Variants in TMEM53 observed in about 807,000 individuals in gnomAD.
TMEM53 encodes transmembrane protein 53.
TMEM53 carries 14 observed loss-of-function variants against 21.4 expected under a neutral mutation model. The ratio of observed to expected loss-of-function variants is 0.65; its 90% CI spans 0.43 to 1.02. TMEM53 has a LOEUF of 1.02. Ranked by LOEUF, TMEM53 falls within the 50% of genes least tolerant of loss-of-function variation. The pLI, the probability that TMEM53 is intolerant of heterozygous loss-of-function variation, is 0.00. For synonymous variants in TMEM53, 148 were observed against 157.4 expected (o/e 0.94, Z 0.45); for missense variants, 323 against 383.6 (o/e 0.84, Z 1.32).
rs1001996735 is a variant in TMEM53 at position 44,653,959 on chromosome 1, A to T, written c.*600T>A. ...TAAATTTTAAGTATCGTACACACTT[A>T]CAATTTTGTTAGGTGATCTTGGCCA... On this transcript the variant is annotated 3_prime_UTR_variant, in exon 3 of 3. Transcript: ENST00000372237. 6.6e-6 allele frequency: 1 copy of T among 152,490 alleles called. No homozygotes were observed. The highest frequency in any genetic ancestry group is 1.5e-5 in the Non-Finnish European group (1 of 68,256). The allele number at this position is 152,490 out of a possible 1,614,324, so 9.4% of individuals were successfully genotyped here.
intron 2 of TMEM53, 26 bp downstream of exon 2, chr1:44,660,147 CA>C: frequency 1.2e-6 from 2 of 1,608,902 alleles, no homozygotes; most frequent in Non-Finnish European, 1.7e-6. Flanking sequence ...CACGGCAGCC[CA>C]GGGGAGAGGG....
intron 1 of TMEM53, among the ~76,000 whole-genome samples, chr1:44,668,159 T>C (rs1284763225): frequency 1.3e-5 from 2 of 152,076 alleles, no homozygotes; most frequent in Non-Finnish European, 2.9e-5. Context: ...ATGCAAAAAA[T>C]TGGCCAGACT....
rs561273283 is a variant in TMEM53 at position 44,662,997 on chromosome 1, G to A, written c.62-2702C>T. On this transcript the variant is annotated intron_variant, in intron 1 of 2. Transcript: ENST00000372237. ...AAGGCGAAGAAACCCTCAGAATTCT[G>A]GCACCCTGGAGAGACTGCCTACTCC... is the stretch of plus-strand genomic sequence containing the variant. Among the ~76,000 whole-genome samples, 7 of 152,274 alleles carry A rather than the reference G, an allele frequency of 4.6e-5. No homozygotes were observed. In the East Asian group the frequency reaches 1.3e-3, roughly 29 times the overall value.
At chr1:44,661,115 G>C (rs1190361929) in intron 1 of TMEM53, among the ~76,000 whole-genome samples, 2 of 152,158 alleles carry the variant, frequency 1.3e-5, no homozygotes, top group African/African-American at 4.8e-5. Context: ...TTTACACTAA[G>C]AACAGCAGAG....
chr1:44,672,765 T>C (rs1180772615), intron 1 of TMEM53, among the ~76,000 whole-genome samples: 3 of 122,614 alleles, frequency 2.4e-5, no homozygotes, highest in Non-Finnish European at 3.5e-5. Flanking sequence ...GGAGACTCCA[T>C]CTCTTAAAAA....
At chr1:44,661,367 A>G (rs1573223956) in intron 1 of TMEM53, among the ~76,000 whole-genome samples, 1 of 151,294 alleles carries the variant, frequency 6.6e-6, no homozygotes, top group Non-Finnish European at 1.5e-5. Flanking sequence ...AGTGGCTGGG[A>G]TTATAGGCAC....
rs111327384 is a variant in TMEM53 at position 44,661,882 on chromosome 1, CCTCAT to C, written c.62-1592_62-1588del. On this transcript the variant is annotated intron_variant, in intron 1 of 2. Coordinates refer to ENST00000372237, the MANE Select transcript of TMEM53 (RefSeq NM_024587.4). ...CCTCCCTGCAACCTTGTCAAACAGA[CCTCAT>C]CTCATTTCCCCTGCAAAGTGAATAC... is the stretch of plus-strand genomic sequence containing the variant. Among the ~76,000 whole-genome samples, 131 of 152,306 alleles carry C rather than the reference CCTCAT, an allele frequency of 8.6e-4. 1 individual carries two copies. Among genetic ancestry groups the C allele is most frequent in the African/African-American group, 2.8e-3 (118 of 41,564 alleles).
rs941965048 is a variant in TMEM53, at chr1:44,654,512, G to A, written c.*47C>T. ...CCGACAGATTGCAGGTTGTGGGGAGGTGTCAGGCATTTATTTCTGGAGCAG... is the reference window on the plus strand; with the variant it reads ...CCGACAGATTGCAGGTTGTGGGGAGATGTCAGGCATTTATTTCTGGAGCAG... On this transcript the variant is annotated 3_prime_UTR_variant, in exon 3 of 3. Transcript: ENST00000372237. The surrounding 1 kb of genome is among the most constrained non-coding windows in gnomAD (Gnocchi z 7.0). The A allele has an allele frequency of 3.2e-6, 5 of 1,568,650 alleles. No homozygotes were observed. Among genetic ancestry groups the A allele is most frequent in the East Asian group, 2.3e-5 (1 of 44,318 alleles).
chr1:44,662,168 A>G (rs1018615371), intron 1 of TMEM53, among the ~76,000 whole-genome samples: 1 of 152,234 alleles, frequency 6.6e-6, no homozygotes, highest in African/African-American at 2.4e-5. Context: ...GTGATTGAAA[A>G]GTTCAATGTT....
chr1:44,667,088 C>A (rs1644954926), intron 1 of TMEM53, among the ~76,000 whole-genome samples: 1 of 151,960 alleles, frequency 6.6e-6, no homozygotes, highest in African/African-American at 2.4e-5. Flanking sequence ...AGCAATCCTC[C>A]CACCTTAGCC....
chr1:44,656,007 C>A (rs1301690859), intron 2 of TMEM53, among the ~76,000 whole-genome samples: 1 of 152,192 alleles, frequency 6.6e-6, no homozygotes, highest in East Asian at 1.9e-4. Flanking sequence ...AATCTCCACA[C>A]AGGTCCCCTT....
intron 2 of TMEM53, 58 bp downstream of exon 2, chr1:44,660,116 G>A (rs1392696397): frequency 1.9e-6 from 3 of 1,574,904 alleles, no homozygotes; most frequent in Non-Finnish European, 2.6e-6. Flanking sequence ...TCCCAGTCCT[G>A]CCTCAAAGGT....
intron 2 of TMEM53, among the ~76,000 whole-genome samples, chr1:44,657,242 G>A (rs1354989054): frequency 6.6e-6 from 1 of 152,110 alleles, no homozygotes; most frequent in Non-Finnish European, 1.5e-5. Flanking sequence ...AGAGCCTTAA[G>A]AAGAAACAAA....
intron 1 of TMEM53, among the ~76,000 whole-genome samples, chr1:44,672,842 G>A (rs1348473268): frequency 6.6e-6 from 1 of 152,090 alleles, no homozygotes; most frequent in Non-Finnish European, 1.5e-5. Context: ...CCTGCACTGT[G>A]CCAGGGACAC....
In TMEM53 at chr1:44,653,500, C is replaced by G. The variant is rs116256978; in HGVS notation, c.*1059G>C. ...CTGTTACAATGCTGCTGCCTTCCTG[C>G]CCCCCACTGTCTCTGGCAACTTTCA... On this transcript the variant is annotated 3_prime_UTR_variant, in exon 3 of 3. Transcript: ENST00000372237. The G allele has an allele frequency of 1.3e-5, 2 of 152,244 alleles. No homozygotes were observed. The highest frequency in any genetic ancestry group is 4.8e-5 in the African/African-American group (2 of 41,440). The allele number at this position is 152,244 out of a possible 1,614,324, so 9.4% of individuals were successfully genotyped here.
intron 1 of TMEM53, among the ~76,000 whole-genome samples, chr1:44,671,949 A>C (rs1478280557): frequency 6.6e-6 from 1 of 152,266 alleles, no homozygotes; most frequent in Non-Finnish European, 1.5e-5. Flanking sequence ...GTTTTTAAAA[A>C]GTAATTTCAG....
chr1:44,653,697 T>C lies in TMEM53; in HGVS notation c.*862A>G, dbSNP rs1002785877. The C allele has an allele frequency of 1.3e-5, 2 of 152,286 alleles. No individual in the cohort carries two copies. Among genetic ancestry groups the C allele is most frequent in the African/African-American group, 4.8e-5 (2 of 41,474 alleles). 9.4% of individuals were successfully genotyped at this position (152,286 alleles called of 1,614,324 possible). A position where few individuals can be genotyped will look rare whatever the true frequency, so the allele number is the denominator to read the frequency against. ...GAGCCATGTGAATGGTACTTTACACTGTAGGGCTTCGCCCTGCTGGAGCAA... is the reference window on the plus strand; with the variant it reads ...GAGCCATGTGAATGGTACTTTACACCGTAGGGCTTCGCCCTGCTGGAGCAA... On this transcript the variant is annotated 3_prime_UTR_variant, in exon 3 of 3. Coordinates refer to ENST00000372237, the MANE Select transcript of TMEM53 (RefSeq NM_024587.4).
intron 2 of TMEM53, among the ~76,000 whole-genome samples, chr1:44,657,239 T>C (rs1644859001): frequency 6.6e-6 from 1 of 152,088 alleles, no homozygotes; most frequent in Admixed American, 6.6e-5. Flanking sequence ...AAAAGAGCCT[T>C]AAGAAGAAAC....
chr1:44,654,460 C>G lies in TMEM53; in HGVS notation c.*99G>C. 7.0e-7 allele frequency: 1 copy of G among 1,427,302 alleles called. No individual in the cohort carries two copies. The highest frequency in any genetic ancestry group is 9.6e-7 in the Non-Finnish European group (1 of 1,046,368). 88.4% of individuals were successfully genotyped at this position (1,427,302 alleles called of 1,614,324 possible). ...TAGGGGACCGCAAAGTCCCAAAGGG[C>G]TACAGGGAGTTGAACGAGAAGAGTG... On this transcript the variant is annotated 3_prime_UTR_variant, in exon 3 of 3. Transcript: ENST00000372237. The surrounding 1 kb of genome is among the most constrained non-coding windows in gnomAD (Gnocchi z 7.0).
Sources: allele counts gnomAD v4.1 joint callset (sites outside exome capture counted in the v4.1 genomes callset), GRCh38; gene constraint gnomAD v4.1.1; non-coding constraint Gnocchi (gnomAD v3.1); transcripts MANE v1.5; gene names NCBI Gene and HGNC (gene_info 2026-07-23, HGNC 2026-07-21).